STPG2: variants seen among roughly 807,000 people sequenced by gnomAD.
STPG2 encodes sperm tail PG-rich repeat containing 2.
Under a neutral mutation model 54.2 loss-of-function variants are expected in STPG2, and 56 were observed. The ratio of observed to expected loss-of-function variants is 1.03; its 90% CI spans 0.83 to 1.29. The LOEUF is 1.29. Among genes scored for constraint, STPG2 ranks in the 50% most tolerant of loss-of-function variants. The probability of loss-of-function intolerance (pLI) is 0.00; values close to 1 mark genes in which losing one functional copy is unlikely to be tolerated. For synonymous variants in STPG2, 200 were observed against 181.8 expected (o/e 1.10, Z -0.81); for missense variants, 596 against 544.9 (o/e 1.09, Z -0.93).
intron 8 of STPG2, among the ~76,000 whole-genome samples, chr4:97,920,707 G>A (rs187520639): frequency 7.2e-5 from 11 of 152,240 alleles, no homozygotes; most frequent in Non-Finnish European, 1.5e-4. Flanking sequence ...GAGAGTAAAG[G>A]AAACATAGAC....
chr4:97,966,016 C>T (rs1813970), intron 7 of STPG2, among the ~76,000 whole-genome samples: 39,898 of 152,052 alleles, frequency 0.26, 5,701 homozygotes, highest in Middle Eastern at 0.36. Flanking sequence ...TGGAGAATGA[C>T]TTTCACCAGT....
At chr4:97,879,354 A>C (rs948139179) in intron 8 of STPG2, among the ~76,000 whole-genome samples, 4 of 152,174 alleles carry the variant, frequency 2.6e-5, no homozygotes, top group Non-Finnish European at 4.4e-5. Context: ...GCTGCTGATA[A>C]AGACATACCT....
chr4:97,542,009 A>G (rs997377328), intron 4 of STPG2, among the ~76,000 whole-genome samples: 1 of 152,242 alleles, frequency 6.6e-6, no homozygotes, highest in Non-Finnish European at 1.5e-5. Flanking sequence ...ACCTAAAACC[A>G]TAAAAACCCT....
At chr4:97,742,066 G>A (rs2149037774) in intron 9 of STPG2, among the ~76,000 whole-genome samples, 1 of 152,148 alleles carries the variant, frequency 6.6e-6, no homozygotes, top group East Asian at 1.9e-4. Flanking sequence ...CCTTTGTAGG[G>A]ACATGGATGA....
At chr4:97,897,832 A>G (rs1042471778) in intron 8 of STPG2, among the ~76,000 whole-genome samples, 1 of 152,186 alleles carries the variant, frequency 6.6e-6, no homozygotes, top group South Asian at 2.1e-4. Context: ...TAGTTTACAA[A>G]AATTTCCTCC....
intron 4 of STPG2, among the ~76,000 whole-genome samples, chr4:97,458,835 G>A (rs1578315322): frequency 6.6e-6 from 1 of 152,164 alleles, no homozygotes; most frequent in Non-Finnish European, 1.5e-5. Context: ...GAAAGACAAA[G>A]AAAGACTGAG....
intron 9 of STPG2, among the ~76,000 whole-genome samples, chr4:97,790,170 T>A (rs563379952): frequency 2.0e-5 from 2 of 98,302 alleles, no homozygotes; most frequent in South Asian, 6.3e-4. Flanking sequence ...CACGATTACA[T>A]CTGGAACAAC....
chr4:98,047,427 C>T (rs1166727946), intron 5 of STPG2, among the ~76,000 whole-genome samples: 1 of 151,854 alleles, frequency 6.6e-6, no homozygotes, highest in Non-Finnish European at 1.5e-5. Context: ...CAGGCAGCAG[C>T]TTGGAAATTG....
At chr4:97,967,976 A>G (rs1036481346) in intron 7 of STPG2, among the ~76,000 whole-genome samples, 1 of 152,176 alleles carries the variant, frequency 6.6e-6, no homozygotes, top group Admixed American at 6.5e-5. Flanking sequence ...AAACACATTC[A>G]AAAGCTAGCA....
intron 9 of STPG2, among the ~76,000 whole-genome samples, chr4:97,730,905 C>G (rs965295229): frequency 1.3e-5 from 2 of 152,302 alleles, no homozygotes; most frequent in South Asian, 4.1e-4. Context: ...TCTTTCAACT[C>G]TTGGATCATT....
At chr4:97,970,675 G>T (rs531121839) in intron 7 of STPG2, among the ~76,000 whole-genome samples, 1 of 152,202 alleles carries the variant, frequency 6.6e-6, no homozygotes, top group East Asian at 1.9e-4. Flanking sequence ...TGGATTAAAG[G>T]CTTAAATGTT....
chr4:98,108,116 G>C (rs1578173280), intron 4 of STPG2, among the ~76,000 whole-genome samples: 1 of 152,086 alleles, frequency 6.6e-6, no homozygotes, highest in Non-Finnish European at 1.5e-5. Context: ...CAGTTACTAA[G>C]TTCAGAACTG....
chr4:97,941,477 TTTTC>T (rs1485059799), intron 8 of STPG2, among the ~76,000 whole-genome samples: 8 of 152,216 alleles, frequency 5.3e-5, no homozygotes, highest in South Asian at 2.1e-4. Flanking sequence ...ATTTGTCACA[TTTTC>T]TTTCTATTTA....
intron 10 of STPG2, among the ~76,000 whole-genome samples, chr4:97,570,194 C>G (rs949652854): frequency 4.6e-5 from 7 of 152,098 alleles, no homozygotes; most frequent in Non-Finnish European, 1.0e-4. Context: ...CTTCAGATAA[C>G]ATTATTGTGA....
At chr4:97,500,641 G>T (rs977364463) in intron 4 of STPG2, among the ~76,000 whole-genome samples, 1 of 152,068 alleles carries the variant, frequency 6.6e-6, no homozygotes, top group East Asian at 1.9e-4. Context: ...ACTGAAAATG[G>T]CTGGTCAGTG....
intron 4 of STPG2, among the ~76,000 whole-genome samples, chr4:97,462,701 G>C (rs1204639431): frequency 6.6e-6 from 1 of 151,756 alleles, no homozygotes; most frequent in Non-Finnish European, 1.5e-5. Flanking sequence ...ATTTGTTGCT[G>C]ATAGCTATAA....
chr4:98,003,924 GATGT>G (rs1735492876), intron 5 of STPG2, among the ~76,000 whole-genome samples: 1 of 151,950 alleles, frequency 6.6e-6, no homozygotes, highest in African/African-American at 2.4e-5. Flanking sequence ...GTGATGTTTT[GATGT>G]ATGAAAACAT....
At chr4:97,719,208 T>C (rs7669638) in intron 9 of STPG2, among the ~76,000 whole-genome samples, 89,483 of 151,670 alleles carry the variant, frequency 0.59, 26,704 homozygotes, top group South Asian at 0.68. Flanking sequence ...TAAGGGATTC[T>C]TCATCTGGCT....
At chr4:98,106,120 T>A (rs1396486394) in intron 4 of STPG2, 56 bp from the exon 5 acceptor site, 10 of 1,164,064 alleles carry the variant, frequency 8.6e-6, no homozygotes, top group Admixed American at 3.3e-5. Context: ...TATAAATATT[T>A]ATGTAAGCAA....
Sources: allele counts gnomAD v4.1 joint callset (sites outside exome capture counted in the v4.1 genomes callset), GRCh38; gene constraint gnomAD v4.1.1; transcripts MANE v1.5; gene names NCBI Gene and HGNC (gene_info 2026-07-23, HGNC 2026-07-21).